SPARCL1: variants seen among roughly 807,000 people sequenced by gnomAD.
SPARCL1 encodes the protein SPARC like 1.
A neutral mutation model predicts 67.1 loss-of-function variants in SPARCL1; 52 were observed. That is an observed-to-expected ratio of 0.78 (90% confidence interval 0.62 to 0.98). SPARCL1 has a LOEUF of 0.98. Ranked by LOEUF, SPARCL1 falls within the 50% of genes least tolerant of loss-of-function variation. The probability of loss-of-function intolerance (pLI) is 0.00; values close to 1 mark genes in which losing one functional copy is unlikely to be tolerated. For synonymous variants in SPARCL1, 226 were observed against 267.8 expected (o/e 0.84, Z 1.52); for missense variants, 717 against 782.4 (o/e 0.92, Z 1.00).
At chr4:87,497,180 C>T in intron 2 of SPARCL1, 1 of 984,888 alleles carries the variant, frequency 1.0e-6, no homozygotes, top group South Asian at 4.7e-5. Context: ...CGGCTTCTGG[C>T]CAAAGTACAG....
chr4:87,490,248 G>GT, intron 7 of SPARCL1, 25 bp downstream of exon 7: 1 of 1,592,938 alleles, frequency 6.3e-7, no homozygotes, highest in South Asian at 1.2e-5. Context: ...AGAGATGATG[G>GT]TTGACAGGAG....
Position 87,477,909 on chromosome 4 carries a change from T to C in SPARCL1, c.1966+1521A>G, listed in dbSNP as rs545905822. On this transcript the variant is annotated intron_variant, in intron 10 of 10. Transcript: ENST00000282470. The stretch of plus-strand genomic sequence containing the variant: ...AACTAGGTACTTACAAAAATATACA[T>C]CCTTTCACAGAATGTTTATTTCACA... Among the ~76,000 whole-genome samples, 55 of 152,268 alleles carry C rather than the reference T, an allele frequency of 3.6e-4. 1 individual carries two copies. Among genetic ancestry groups the C allele is most frequent in the African/African-American group, 1.2e-3 (49 of 41,554 alleles).
At chr4:87,512,261 G>A (rs1183814762) in intron 1 of SPARCL1, among the ~76,000 whole-genome samples, 1 of 152,114 alleles carries the variant, frequency 6.6e-6, no homozygotes, top group Non-Finnish European at 1.5e-5. Flanking sequence ...GAGCCACCAT[G>A]CCCGGCCCCA....
At chr4:87,494,895 A>G (rs969056879) in intron 3 of SPARCL1, 86 bp downstream of exon 3, 4 of 1,245,952 alleles carry the variant, frequency 3.2e-6, no homozygotes, top group Non-Finnish European at 4.5e-6. Flanking sequence ...TGAGACATAA[A>G]TAACATAATC....
intron 1 of SPARCL1, among the ~76,000 whole-genome samples, chr4:87,502,432 C>G (rs1433626030): frequency 6.6e-6 from 1 of 152,150 alleles, no homozygotes; most frequent in African/African-American, 2.4e-5. Flanking sequence ...TTCTCCTCAC[C>G]CTTCCCAGCC....
chr4:87,508,042 C>G (rs1347387236), intron 1 of SPARCL1, among the ~76,000 whole-genome samples: 1 of 152,196 alleles, frequency 6.6e-6, no homozygotes, highest in Non-Finnish European at 1.5e-5. Flanking sequence ...GTTCAGTTAT[C>G]TTGTAATTTC....
intron 1 of SPARCL1, chr4:87,528,258 C>T (rs141468189): frequency 1.3e-5 from 2 of 152,076 alleles, no homozygotes; most frequent in Non-Finnish European, 2.9e-5. Flanking sequence ...TAAGCACAAC[C>T]TACATTATTG....
intron 2 of SPARCL1, among the ~76,000 whole-genome samples, chr4:87,498,424 T>C (rs1337837366): frequency 1.3e-5 from 2 of 152,148 alleles, no homozygotes; most frequent in African/African-American, 4.8e-5. Flanking sequence ...AATTGTTTTG[T>C]CTCTTTAAAG....
chr4:87,508,905 ATAG>A (rs1725231333), intron 1 of SPARCL1, among the ~76,000 whole-genome samples: 1 of 147,300 alleles, frequency 6.8e-6, no homozygotes, highest in Non-Finnish European at 1.5e-5. Flanking sequence ...ATATATATAT[ATAG>A]TATACATATG....
chr4:87,499,352 C>A (rs547531785), intron 2 of SPARCL1, among the ~76,000 whole-genome samples, 169 bp downstream of exon 2: 2 of 151,892 alleles, frequency 1.3e-5, no homozygotes, highest in South Asian at 4.2e-4. Context: ...TTTTAAGTAC[C>A]TTATCTTGAG....
chr4:87,495,218 G>A, intron 2 of SPARCL1, 91 bp from the exon 3 acceptor site: 1 of 1,027,844 alleles, frequency 9.7e-7, no homozygotes, highest in East Asian at 2.5e-5. Flanking sequence ...ATTATTAGTA[G>A]CAATATACTT....
intron 7 of SPARCL1, among the ~76,000 whole-genome samples, chr4:87,486,653 A>G (rs901386456): frequency 3.3e-5 from 5 of 152,090 alleles, no homozygotes; most frequent in Non-Finnish European, 7.4e-5. Context: ...TAATTTTGAC[A>G]GTGGGGTTTT....
At chr4:87,481,920 G>A (rs922222604) in intron 8 of SPARCL1, among the ~76,000 whole-genome samples, 4 of 152,068 alleles carry the variant, frequency 2.6e-5, no homozygotes, top group African/African-American at 9.7e-5. Flanking sequence ...CCAGTATTTA[G>A]GTCAATTTCT....
At chr4:87,511,517 G>C (rs186305902) in intron 1 of SPARCL1, among the ~76,000 whole-genome samples, 1 of 152,328 alleles carries the variant, frequency 6.6e-6, no homozygotes, top group East Asian at 1.9e-4. Context: ...AGCATGAGCA[G>C]TTATTCAACC....
chr4:87,490,086 C>T (rs1482805421), intron 7 of SPARCL1, among the ~76,000 whole-genome samples, 187 bp downstream of exon 7: 1 of 152,172 alleles, frequency 6.6e-6, no homozygotes, highest in Admixed American at 6.5e-5. Context: ...CAACCTAGTT[C>T]AGTTAAATCA....
chr4:87,506,269 C>T (rs1725068425), intron 1 of SPARCL1, among the ~76,000 whole-genome samples: 1 of 152,170 alleles, frequency 6.6e-6, no homozygotes, highest in African/African-American at 2.4e-5. Context: ...CCCTCTAAGC[C>T]TCAGATTCCC....
intron 7 of SPARCL1, among the ~76,000 whole-genome samples, chr4:87,485,247 C>T (rs910275383): frequency 2.0e-5 from 3 of 152,052 alleles, no homozygotes; most frequent in Non-Finnish European, 4.4e-5. Context: ...TCCATCAATA[C>T]CTAGTTTATT....
At chr4:87,525,752 C>T (rs2110271453) in intron 1 of SPARCL1, among the ~76,000 whole-genome samples, 1 of 152,230 alleles carries the variant, frequency 6.6e-6, no homozygotes, top group East Asian at 1.9e-4. Flanking sequence ...GGACTGGAGA[C>T]TTCATTTCTA....
chr4:87,507,179 TAGGCAC>T lies in SPARCL1; in HGVS notation c.-11-7600_-11-7595del, dbSNP rs547223056. ...CATTCATCACACATAACAGTGGAAT[TAGGCAC>T]ATGGAATGCTACCCTATTTTCTTAC... On this transcript the variant is annotated intron_variant, in intron 1 of 10. Transcript: ENST00000282470. Among the ~76,000 whole-genome samples, 20 of 152,310 alleles carry T rather than the reference TAGGCAC, an allele frequency of 1.3e-4. No homozygotes were observed. In the East Asian group the frequency reaches 3.3e-3, roughly 25 times the overall value.
Sources: gnomAD v4.1 joint callset for allele counts (sites outside exome capture counted in the v4.1 genomes callset) on GRCh38, gnomAD v4.1.1 for gene constraint, MANE v1.5 for transcripts, NCBI Gene and HGNC (gene_info 2026-07-23, HGNC 2026-07-21) for gene names.